Variants in TEX2 observed in about 807,000 individuals in gnomAD.
TEX2 encodes the protein testis expressed 2.
A neutral mutation model predicts 106.9 loss-of-function variants in TEX2; 53 were observed. The observed-to-expected ratio is 0.50, with a 90% CI of 0.40 to 0.62. The LOEUF is 0.62. Ranked by LOEUF, TEX2 falls within the 20% of genes least tolerant of loss-of-function variation. The pLI is 0.00. For missense variants in TEX2, 1,207 were observed against 1,379.0 expected (o/e 0.88, Z 1.98); for synonymous variants, 523 against 534.8 (o/e 0.98, Z 0.30).
At chr17:64,186,827 A>G (rs1203975219) in intron 5 of TEX2, among the ~76,000 whole-genome samples, 1 of 151,944 alleles carries the variant, frequency 6.6e-6, no homozygotes. Flanking sequence ...CCTTGTCTCA[A>G]AAAAAAAGAG....
intron 1 of TEX2, among the ~76,000 whole-genome samples, chr17:64,239,498 T>C (rs1257591878): frequency 6.6e-6 from 1 of 152,216 alleles, no homozygotes; most frequent in Non-Finnish European, 1.5e-5. Flanking sequence ...GCTTACTGCA[T>C]GTTTCCAACC....
intron 1 of TEX2, among the ~76,000 whole-genome samples, chr17:64,230,275 C>G (rs896080129): frequency 5.9e-5 from 9 of 152,088 alleles, no homozygotes; most frequent in Admixed American, 1.3e-4. Context: ...GGGGACCTGA[C>G]AAGGTGCCCC....
Position 64,150,951 on chromosome 17 carries a change from G to A in TEX2, c.3151C>T (p.Arg1051Ter), listed in dbSNP as rs1276580730. 1.9e-6 allele frequency: 3 copies of A among 1,613,494 alleles called. No homozygotes were observed. Among genetic ancestry groups the A allele is most frequent in the Non-Finnish European group, 2.5e-6 (3 of 1,179,802 alleles). ...PPTDRVWYGF[R>*]KPPHVELKAR... ...TTCAGCTCCACATGTGGTGGCTTTC[G>A]GAAACCATACCTTTTTGAAGACAAG... The change falls in exon 11 of 12, where the codon CGA (arginine) becomes TGA (stop). Residue 1051 changes from arginine to a stop codon, truncating the protein, a stop_gained. Transcript: ENST00000584379. LOFTEE classifies it high-confidence loss of function.
chr17:64,193,790 C>A lies in TEX2; in HGVS notation c.1945G>T (p.Ala649Ser), dbSNP rs766262257. Residue 649 changes from alanine (A) to serine (S), a missense_variant, in exon 4 of 12, where the codon GCT becomes TCT. By Grantham distance (99) the Ala-to-Ser change is moderately conservative (BLOSUM62 1). Transcript: ENST00000584379. Reference protein sequence around the residue: ...LGQQDDFMSKAQTDKETSEEK... With the variant: ...LGQQDDFMSKSQTDKETSEEK... ...TCTGAAGTCTCCTTATCAGTCTGAG[C>A]TTTAGACATAAAGTCATCTTGCTGA... 1 of 1,611,872 alleles carries A rather than the reference C, an allele frequency of 6.2e-7. No homozygotes were observed. The highest frequency in any genetic ancestry group is 2.2e-5 in the East Asian group (1 of 44,784).
chr17:64,260,865 G>T (rs1018720037), intron 1 of TEX2, among the ~76,000 whole-genome samples: 1 of 152,134 alleles, frequency 6.6e-6, no homozygotes, highest in South Asian at 2.1e-4. Flanking sequence ...GAGAACAAGA[G>T]ACAGTGTGTG....
chr17:64,161,563 T>C lies in TEX2; in HGVS notation c.2672-630A>G, dbSNP rs190881773. 1.8e-4 allele frequency among the ~76,000 whole-genome samples: 28 copies of C among 152,310 alleles called. No homozygotes were observed. The East Asian group carries it at 4.3e-3, about 23-fold the overall frequency. On this transcript the variant is annotated intron_variant, in intron 7 of 11. Coordinates refer to ENST00000584379, the MANE Select transcript of TEX2 (RefSeq NM_001288732.2). ...AATTCCCAGGATTATCCAGATACAA[T>C]TGCATAATCACTTTGTACCTTAGGC...
chr17:64,225,915 G>A (rs1463053139), intron 1 of TEX2, among the ~76,000 whole-genome samples: 1 of 151,862 alleles, frequency 6.6e-6, no homozygotes, highest in Admixed American at 6.6e-5. Context: ...ACAGAAATTC[G>A]CCATGTTGGC....
intron 9 of TEX2, among the ~76,000 whole-genome samples, chr17:64,154,319 A>G (rs1166821232): frequency 6.6e-6 from 1 of 151,600 alleles, no homozygotes; most frequent in Non-Finnish European, 1.5e-5. Context: ...AGGCTATTTA[A>G]GCACTTTGAT....
intron 5 of TEX2, among the ~76,000 whole-genome samples, chr17:64,181,207 G>T (rs1055130429): frequency 2.0e-5 from 3 of 152,116 alleles, no homozygotes; most frequent in African/African-American, 4.8e-5. Context: ...GCCGGGCGTG[G>T]TGGTTCATGC....
rs117916054 is a variant in TEX2, at chr17:64,232,106, C to T, written c.-25-17864G>A. ...TGACAATGTAAAAATATGTACTGTA[C>T]ATATACATCGTAATACAAAATGAAA... On this transcript the variant is annotated intron_variant, in intron 1 of 11. Coordinates refer to ENST00000584379, the MANE Select transcript of TEX2 (RefSeq NM_001288732.2). 3.0e-4 allele frequency among the ~76,000 whole-genome samples: 45 copies of T among 152,242 alleles called. No homozygotes were observed. The East Asian group carries it at 8.3e-3, about 28-fold the overall frequency.
At chr17:64,247,876 C>A (rs963830494) in intron 1 of TEX2, among the ~76,000 whole-genome samples, 8 of 152,214 alleles carry the variant, frequency 5.3e-5, no homozygotes, top group Non-Finnish European at 1.0e-4. Flanking sequence ...AGATATTTCT[C>A]TTCCCCCTCC....
chr17:64,232,644 C>T (rs1290225639), intron 1 of TEX2, among the ~76,000 whole-genome samples: 3 of 152,296 alleles, frequency 2.0e-5, no homozygotes, highest in East Asian at 3.9e-4. Flanking sequence ...GCTCCAGTAA[C>T]AATATCTACA....
intron 6 of TEX2, among the ~76,000 whole-genome samples, chr17:64,171,792 A>T (rs779624416): frequency 3.9e-5 from 6 of 152,088 alleles, no homozygotes; most frequent in Middle Eastern, 3.4e-3. Context: ...CAGCCTGGCC[A>T]ACATGGTGAA....
chr17:64,174,072 A>G lies in TEX2; in HGVS notation c.2572-2873T>C, dbSNP rs530575856. On this transcript the variant is annotated intron_variant, in intron 6 of 11. Transcript: ENST00000584379. ...ATGTTGCCTAGTCTGGTCTCAAACT[A>G]CTGGGCTCAAGATTTCCTCCACTTC... 2.6e-5 allele frequency among the ~76,000 whole-genome samples: 4 copies of G among 151,770 alleles called. No individual in the cohort carries two copies. In the South Asian group the frequency reaches 8.3e-4, roughly 32 times the overall value.
At chr17:64,239,735 G>A (rs2033845523) in intron 1 of TEX2, among the ~76,000 whole-genome samples, 1 of 151,856 alleles carries the variant, frequency 6.6e-6, no homozygotes, top group Non-Finnish European at 1.5e-5. Context: ...AATTAGCCAG[G>A]TGTGGTGGCA....
In TEX2 at chr17:64,160,810, C is replaced by T. The variant is rs771396323; in HGVS notation, c.2795G>A (p.Gly932Asp). Residue 932 changes from glycine (G) to aspartate (D), a missense_variant, in exon 8 of 12, where the codon GGC becomes GAC. Physicochemically the swap from Gly to Asp is moderately conservative, Grantham distance 94. Around this residue, in one of 3 missense-constraint regions of TEX2, gnomAD observed 1,067 missense variants for 1,193.6 expected, o/e 0.89. Coordinates refer to ENST00000584379, the MANE Select transcript of TEX2 (RefSeq NM_001288732.2). ...ATATATAGCCCCTTACCCTTCTTTG[C>T]CAATTTCTCCAACCTTCAGGGCTTC... Reference protein sequence around the residue: ...LVEALKVGEIGKEGCRPRAFC... With the variant: ...LVEALKVGEIDKEGCRPRAFC... 1.9e-6 allele frequency: 3 copies of T among 1,613,998 alleles called. No homozygotes were observed. The highest frequency in any genetic ancestry group is 1.1e-5 in the South Asian group (1 of 91,062).
At position 64,205,202 on chromosome 17, in the gene TEX2, A is replaced by T. The variant is rs2032792677; in HGVS notation, c.1644+7372T>A. Among the ~76,000 whole-genome samples, 1 of 152,182 alleles carries T rather than the reference A, an allele frequency of 6.6e-6. No homozygotes were observed. The highest frequency in any genetic ancestry group is 6.5e-5 in the Admixed American group (1 of 15,278). ...CATGGTGATGCGCACATGTAATCCC[A>T]GCAACTCTGGAGGCTGAGGCAGGAG... is the stretch of plus-strand genomic sequence containing the variant. On this transcript the variant is annotated intron_variant, in intron 2 of 11. Transcript: ENST00000584379. The surrounding 1 kb of genome is among the most constrained non-coding windows in gnomAD (Gnocchi z 4.0).
chr17:64,258,696 T>G (rs1353553389), intron 1 of TEX2, among the ~76,000 whole-genome samples: 1 of 152,118 alleles, frequency 6.6e-6, no homozygotes, highest in Non-Finnish European at 1.5e-5. Flanking sequence ...TAAACTCATA[T>G]AATCTATGAG....
Position 64,213,183 on chromosome 17 carries a change from G to A in TEX2, c.1035C>T (p.Ser345=). The change falls in exon 2 of 12, where the codon AGC becomes AGT. Residue 345 remains serine, a synonymous_variant. Coordinates refer to ENST00000584379, the MANE Select transcript of TEX2 (RefSeq NM_001288732.2). The surrounding 1 kb of genome is among the most constrained non-coding windows in gnomAD (Gnocchi z 4.4). ...CAGAATCACACTCCTCCTCCTTGAT[G>A]CTGTAGTTGTTATTGCTTTCCAAGT... is the stretch of plus-strand genomic sequence containing the variant. The part of the protein sequence containing the change: ...NGHLESNNNY[S]IKEEECDSEG... 1 of 1,614,176 alleles carries A rather than the reference G, an allele frequency of 6.2e-7. No individual in the cohort carries two copies.
Sources: allele counts gnomAD v4.1 joint callset (sites outside exome capture counted in the v4.1 genomes callset), GRCh38; gene constraint gnomAD v4.1.1; regional missense constraint gnomAD v4.1.1; non-coding constraint Gnocchi (gnomAD v3.1); transcripts MANE v1.5; gene names NCBI Gene and HGNC (gene_info 2026-07-23, HGNC 2026-07-21).